SUPT3H: variants seen among roughly 807,000 people sequenced by gnomAD.
SUPT3H encodes the protein transcription initiation protein SPT3 homolog.
A neutral mutation model predicts 44.3 loss-of-function variants in SUPT3H; 44 were observed. The observed-to-expected ratio is 0.99, with a 90% CI of 0.78 to 1.28. The LOEUF is 1.28. Ranked by LOEUF, SUPT3H falls within the 50% of genes most tolerant of loss-of-function variation. The pLI is 0.00. For missense variants in SUPT3H, 380 were observed against 387.1 expected, an observed-to-expected ratio of 0.98 and a Z score of 0.15; for synonymous variants, 124 against 125.6, an observed-to-expected ratio of 0.99 and a Z score of 0.09.
intron 2 of SUPT3H, among the ~76,000 whole-genome samples, chr6:45,113,827 CAAAAAA>C (rs374606230): frequency 8.9e-6 from 1 of 112,794 alleles, no homozygotes; most frequent in Non-Finnish European, 1.8e-5. Context: ...AAGACTCCAT[CAAAAAA>C]AAAAAAAAAA....
chr6:45,054,553 T>C (rs1159063010), intron 3 of SUPT3H, among the ~76,000 whole-genome samples: 1 of 152,230 alleles, frequency 6.6e-6, no homozygotes, highest in African/African-American at 2.4e-5. Flanking sequence ...TGTATGCTTT[T>C]CCTTTGTTAG....
At chr6:44,826,191 C>T (rs1302761156), downstream of SUPT3H, among the ~76,000 whole-genome samples, 1 of 152,176 alleles carries the variant, frequency 6.6e-6, no homozygotes, top group East Asian at 1.9e-4. Context: ...ACATCCAATT[C>T]CTGCAGGCAA....
At chr6:45,342,957 T>C (rs1291631496) in intron 2 of SUPT3H, among the ~76,000 whole-genome samples, 2 of 152,176 alleles carry the variant, frequency 1.3e-5, no homozygotes, top group Non-Finnish European at 1.5e-5. Context: ...ATTCCAGTTA[T>C]AGCGCCTAGT....
At chr6:45,105,291 T>A (rs1186449074) in intron 3 of SUPT3H, among the ~76,000 whole-genome samples, 3 of 152,032 alleles carry the variant, frequency 2.0e-5, no homozygotes, top group African/African-American at 7.2e-5. Flanking sequence ...AAAAATAAAA[T>A]CTTACAAGGA....
At chr6:45,144,776 G>C (rs1325008968) in intron 2 of SUPT3H, among the ~76,000 whole-genome samples, 1 of 151,858 alleles carries the variant, frequency 6.6e-6, no homozygotes, top group Non-Finnish European at 1.5e-5. Flanking sequence ...CATCCAAAAA[G>C]CTCCTAGATT....
At position 45,205,162 on chromosome 6, in the gene SUPT3H, A is replaced by G. The variant is rs188040398; in HGVS notation, c.102-99156T>C. ...CCAAACTAGCTACTCAACCTATTAG[A>G]TTTCCTTCTCCTTCTATCAGATTGG... is the stretch of plus-strand genomic sequence containing the variant. On this transcript the variant is annotated intron_variant, in intron 2 of 10. Transcript: ENST00000371459. Among the ~76,000 whole-genome samples, 789 of 152,236 alleles carry G rather than the reference A, an allele frequency of 5.2e-3. 2 individuals are homozygous for G. The highest frequency in any genetic ancestry group is 8.1e-3 in the Non-Finnish European group (549 of 68,010).
chr6:45,171,109 A>T (rs1435544979), intron 2 of SUPT3H, among the ~76,000 whole-genome samples: 1 of 152,206 alleles, frequency 6.6e-6, no homozygotes, highest in Non-Finnish European at 1.5e-5. Context: ...TGTTATAAGC[A>T]TGTTAGCTAC....
chr6:44,895,986 A>G (rs988705274), intron 10 of SUPT3H, among the ~76,000 whole-genome samples: 1 of 152,004 alleles, frequency 6.6e-6, no homozygotes, highest in Non-Finnish European at 1.5e-5. Context: ...TTACTTTTGA[A>G]GGAGGGATTG....
intron 2 of SUPT3H, among the ~76,000 whole-genome samples, chr6:45,342,217 T>C (rs750914186): frequency 6.6e-6 from 1 of 152,084 alleles, no homozygotes; most frequent in Non-Finnish European, 1.5e-5. Flanking sequence ...GTCACTACAG[T>C]TGTGCCTAGT....
chr6:45,277,101 T>A (rs539737697), intron 2 of SUPT3H, among the ~76,000 whole-genome samples: 3 of 152,338 alleles, frequency 2.0e-5, no homozygotes, highest in Admixed American at 6.5e-5. Flanking sequence ...TTATTCTTGC[T>A]TTGTGATGCT....
chr6:44,888,459 AC>A (rs1762706958), intron 10 of SUPT3H, among the ~76,000 whole-genome samples: 1 of 152,242 alleles, frequency 6.6e-6, no homozygotes, highest in Admixed American at 6.5e-5. Context: ...GGCTGGTTCA[AC>A]ATACGCAAAT....
At chr6:45,068,650 T>C (rs1348961330) in intron 3 of SUPT3H, among the ~76,000 whole-genome samples, 1 of 152,158 alleles carries the variant, frequency 6.6e-6, no homozygotes, top group Non-Finnish European at 1.5e-5. Context: ...GTATATATTT[T>C]TTCCCTCTGA....
At chr6:45,017,985 A>T (rs966570155) in intron 4 of SUPT3H, among the ~76,000 whole-genome samples, 1 of 151,472 alleles carries the variant, frequency 6.6e-6, no homozygotes, top group Non-Finnish European at 1.5e-5. Context: ...TGAGCATGGA[A>T]TGTTCTTCCA....
chr6:45,355,554 G>C (rs1793002896), intron 2 of SUPT3H, among the ~76,000 whole-genome samples: 1 of 151,984 alleles, frequency 6.6e-6, no homozygotes, highest in African/African-American at 2.4e-5. Context: ...CTTCTCCACT[G>C]TATCATGCTA....
chr6:45,344,492 G>GAC lies in SUPT3H; in HGVS notation c.101+20708_101+20709insGT, dbSNP rs546528264. 3.1e-3 allele frequency among the ~76,000 whole-genome samples: 467 copies of GAC among 151,768 alleles called. 2 individuals are homozygous for GAC. The highest frequency in any genetic ancestry group is 8.3e-3 in the African/African-American group (344 of 41,350). ...GTGCCTTAGATTCTAAATATCCAGT[G>GAC]GAGAGCCCATATATGTACATTTTCC... On this transcript the variant is annotated intron_variant, in intron 2 of 10. Transcript: ENST00000371459.
intron 2 of SUPT3H, among the ~76,000 whole-genome samples, chr6:45,300,407 T>C (rs968734976): frequency 1.3e-5 from 2 of 152,104 alleles, no homozygotes; most frequent in African/African-American, 4.8e-5. Flanking sequence ...ACCCTCAAAA[T>C]AAAATTGGAA....
chr6:44,889,933 C>A lies in SUPT3H; in HGVS notation c.912+42720G>T, dbSNP rs535628933. Among the ~76,000 whole-genome samples, 4 of 147,628 alleles carry A rather than the reference C, an allele frequency of 2.7e-5. No individual in the cohort carries two copies. The Admixed American group carries it at 2.7e-4, about 10-fold the overall frequency. On this transcript the variant is annotated intron_variant, in intron 10 of 10. Transcript: ENST00000371459. ...ATTTACAAGAAAAAAACAAACAACC[C>A]CATCAAAAAGTGGGCGGACATGAAC...
intron 6 of SUPT3H, among the ~76,000 whole-genome samples, chr6:44,994,974 A>G (rs1297440469): frequency 3.3e-5 from 5 of 151,796 alleles, no homozygotes; most frequent in African/African-American, 1.2e-4. Flanking sequence ...ATGCAAAAAT[A>G]TTAACTGTTT....
chr6:44,957,334 T>C (rs943794675), intron 7 of SUPT3H, among the ~76,000 whole-genome samples: 5 of 152,160 alleles, frequency 3.3e-5, no homozygotes, highest in Admixed American at 6.5e-5. Context: ...AGAATTATGA[T>C]AATCCCCCTT....
Sources: allele counts gnomAD v4.1 joint callset (sites outside exome capture counted in the v4.1 genomes callset), GRCh38; gene constraint gnomAD v4.1.1; transcripts MANE v1.5; gene names NCBI Gene and HGNC (gene_info 2026-07-23, HGNC 2026-07-21).